The following TMEM232 variants were observed in gnomAD, a reference collection of about 807,000 sequenced individuals.
TMEM232 encodes transmembrane protein 232.
TMEM232 carries 80 observed loss-of-function variants against 78.8 expected under a neutral mutation model. The observed-to-expected ratio is 1.01, with a 90% CI of 0.85 to 1.22. The LOEUF (loss-of-function observed/expected upper bound fraction) is 1.22, where lower values mean the gene tolerates loss of function less well. Ranked by LOEUF, TMEM232 falls within the 50% of genes most tolerant of loss-of-function variation. TMEM232 has a pLI of 0.00. For missense variants in TMEM232, 881 were observed against 742.2 expected, an observed-to-expected ratio of 1.19 and a Z score of -2.17; for synonymous variants, 297 against 254.3, an observed-to-expected ratio of 1.17 and a Z score of -1.60.
intron 12 of TMEM232, among the ~76,000 whole-genome samples, chr5:110,465,050 A>AGAT (rs1761928708): frequency 6.6e-6 from 1 of 152,230 alleles, no homozygotes; most frequent in Non-Finnish European, 1.5e-5. Flanking sequence ...AAGAAAGCTG[A>AGAT]GATGGTCTAA....
chr5:110,473,566 ACT>A (rs887567527), intron 12 of TMEM232, among the ~76,000 whole-genome samples: 1 of 151,050 alleles, frequency 6.6e-6, no homozygotes, highest in Admixed American at 6.6e-5. Flanking sequence ...CCTACTATGT[ACT>A]CTCAAAAATT....
chr5:110,482,959 A>G (rs1033067516), intron 12 of TMEM232, among the ~76,000 whole-genome samples: 3 of 150,548 alleles, frequency 2.0e-5, no homozygotes, highest in African/African-American at 7.5e-5. Flanking sequence ...ATGAGCAGAC[A>G]CTAATTTGAA....
chr5:110,525,454 A>C (rs1312336414), intron 12 of TMEM232, among the ~76,000 whole-genome samples: 5 of 152,026 alleles, frequency 3.3e-5, no homozygotes, highest in Non-Finnish European at 7.4e-5. Flanking sequence ...TATATTAGCA[A>C]CAAAAGAGAT....
At chr5:110,702,413 T>C (rs935370473) in intron 1 of TMEM232, among the ~76,000 whole-genome samples, 1 of 151,968 alleles carries the variant, frequency 6.6e-6, no homozygotes, top group Non-Finnish European at 1.5e-5. Context: ...ACTCAGGAAA[T>C]TGTAATGGAT....
intron 11 of TMEM232, among the ~76,000 whole-genome samples, chr5:110,545,655 C>A (rs1561665011): frequency 6.6e-6 from 1 of 151,854 alleles, no homozygotes; most frequent in Non-Finnish European, 1.5e-5. Flanking sequence ...CTCTATAGAG[C>A]ACATTAGGGA....
intron 11 of TMEM232, among the ~76,000 whole-genome samples, chr5:110,553,918 T>C (rs1353449114): frequency 6.6e-6 from 1 of 152,220 alleles, no homozygotes; most frequent in African/African-American, 2.4e-5. Flanking sequence ...GTTCCTAACA[T>C]GAAGAGATGT....
At chr5:110,647,728 T>G (rs1787699757) in intron 2 of TMEM232, among the ~76,000 whole-genome samples, 1 of 151,942 alleles carries the variant, frequency 6.6e-6, no homozygotes, top group Non-Finnish European at 1.5e-5. Flanking sequence ...ATTCCTTTAT[T>G]GATTGACATT....
rs201140615 is a variant in TMEM232 at position 110,584,515 on chromosome 5, C to A, written c.1277-15890G>T. Among the ~76,000 whole-genome samples, 4 of 152,016 alleles carry A rather than the reference C, an allele frequency of 2.6e-5. No individual in the cohort carries two copies. The East Asian group carries it at 7.7e-4, about 29-fold the overall frequency. On this transcript the variant is annotated intron_variant, in intron 10 of 13. Coordinates refer to ENST00000455884, the MANE Select transcript of TMEM232 (RefSeq NM_001039763.4). Reference sequence around the variant, plus strand: ...GTTGGTGGAGGCAATAAGAGAATTGCGAATCAATGGGTATAACATTTCAGT... The same window carrying A: ...GTTGGTGGAGGCAATAAGAGAATTGAGAATCAATGGGTATAACATTTCAGT...
At chr5:110,406,265 T>TACACAC (rs70999966) in intron 2 of TMEM232, among the ~76,000 whole-genome samples, 18,710 of 143,350 alleles carry the variant, frequency 0.13, 1,349 homozygotes, top group Middle Eastern at 0.19. Flanking sequence ...CAGATATATA[T>TACACAC]ACACACACAC....
At chr5:110,392,463 T>C (rs1318355446) in intron 3 of TMEM232, among the ~76,000 whole-genome samples, 1 of 152,196 alleles carries the variant, frequency 6.6e-6, no homozygotes, top group Non-Finnish European at 1.5e-5. Flanking sequence ...CAAAATATCA[T>C]AGGCTGGCTG....
At chr5:110,617,359 G>A (rs759527973) in intron 8 of TMEM232, among the ~76,000 whole-genome samples, 5 of 149,996 alleles carry the variant, frequency 3.3e-5, no homozygotes, top group Non-Finnish European at 5.9e-5. Context: ...GATCTATTGT[G>A]CAGCATTGTG....
intron 12 of TMEM232, among the ~76,000 whole-genome samples, chr5:110,429,668 A>T (rs1757614793): frequency 6.6e-6 from 1 of 151,832 alleles, no homozygotes; most frequent in South Asian, 2.1e-4. Context: ...AAGATATTTT[A>T]TCAATTAAAC....
chr5:110,419,149 C>G (rs774680680), downstream of TMEM232, among the ~76,000 whole-genome samples: 1 of 147,830 alleles, frequency 6.8e-6, no homozygotes, highest in African/African-American at 2.6e-5. Flanking sequence ...AGAAAAGGGA[C>G]TAGCTGGTCT....
intron 12 of TMEM232, among the ~76,000 whole-genome samples, chr5:110,445,792 T>A (rs1211034698): frequency 6.6e-6 from 1 of 152,064 alleles, no homozygotes; most frequent in Non-Finnish European, 1.5e-5. Context: ...AGACATGACT[T>A]TTTTTGCCAT....
intron 2 of TMEM232, among the ~76,000 whole-genome samples, chr5:110,409,179 A>C (rs1414841893): frequency 6.6e-6 from 1 of 152,140 alleles, no homozygotes; most frequent in Non-Finnish European, 1.5e-5. Flanking sequence ...AATAATGAAC[A>C]TTTATTTCAT....
intron 11 of TMEM232, among the ~76,000 whole-genome samples, chr5:110,534,165 C>G (rs1371030931): frequency 6.6e-6 from 1 of 152,188 alleles, no homozygotes; most frequent in African/African-American, 2.4e-5. Context: ...AAGAAGGCCA[C>G]CACAGTCATT....
At chr5:110,612,223 AG>A (rs1782392382) in intron 8 of TMEM232, among the ~76,000 whole-genome samples, 1 of 152,174 alleles carries the variant, frequency 6.6e-6, no homozygotes, top group African/African-American at 2.4e-5. Flanking sequence ...AAAATTACAC[AG>A]GTAGCAAAAG....
chr5:110,650,593 G>C (rs549388074), intron 2 of TMEM232, among the ~76,000 whole-genome samples: 1 of 152,178 alleles, frequency 6.6e-6, no homozygotes, highest in South Asian at 2.1e-4. Flanking sequence ...ATAATCATGA[G>C]AAAAACATCA....
At chr5:110,673,002 ACG>A (rs1428207643) in intron 1 of TMEM232, among the ~76,000 whole-genome samples, 9 of 152,304 alleles carry the variant, frequency 5.9e-5, no homozygotes, top group African/African-American at 2.2e-4. Flanking sequence ...AGACATGCAC[ACG>A]CATGTTTATT....
Sources: gnomAD v4.1 joint callset for allele counts (sites outside exome capture counted in the v4.1 genomes callset) on GRCh38, gnomAD v4.1.1 for gene constraint, MANE v1.5 for transcripts, NCBI Gene and HGNC (gene_info 2026-07-23, HGNC 2026-07-21) for gene names.